SMARCC1: variants seen among roughly 807,000 people sequenced by gnomAD.
SMARCC1 encodes SWI/SNF complex subunit SMARCC1.
SMARCC1 carries 43 observed loss-of-function variants against 147.4 expected under a neutral mutation model. That is an observed-to-expected ratio of 0.29 (90% CI 0.23 to 0.38). The LOEUF is 0.38. Ranked by LOEUF, SMARCC1 falls within the 10% of genes least tolerant of loss-of-function variation. The pLI, the probability that SMARCC1 is intolerant of heterozygous loss-of-function variation, is 1.00. For synonymous variants in SMARCC1, 495 were observed against 484.4 expected (o/e 1.02, Z -0.29); for missense variants, 1,119 against 1,381.1 (o/e 0.81, Z 3.01).
At chr3:47,693,110 T>C (rs781699471) in intron 12 of SMARCC1, 131 bp downstream of exon 12, 5 of 647,788 alleles carry the variant, frequency 7.7e-6, no homozygotes, top group Non-Finnish European at 1.4e-5. Flanking sequence ...TTTAAAGCTG[T>C]GGTGAGCTAT....
chr3:47,664,700 A>C (rs950853665), intron 19 of SMARCC1, among the ~76,000 whole-genome samples: 5 of 152,176 alleles, frequency 3.3e-5, no homozygotes, highest in African/African-American at 1.2e-4. Flanking sequence ...TTCTCAATGA[A>C]GGGTAATTTT....
At chr3:47,603,002 C>A (rs1270211001) in intron 26 of SMARCC1, among the ~76,000 whole-genome samples, 1 of 152,052 alleles carries the variant, frequency 6.6e-6, no homozygotes, top group African/African-American at 2.4e-5. Context: ...TACATCCATG[C>A]CTATGGAGAG....
intron 2 of SMARCC1, among the ~76,000 whole-genome samples, chr3:47,767,040 G>A (rs891746733): frequency 2.6e-5 from 4 of 151,670 alleles, no homozygotes; most frequent in African/African-American, 7.3e-5. Context: ...AAAATTAGCC[G>A]GGCGTGGTGG....
intron 26 of SMARCC1, among the ~76,000 whole-genome samples, chr3:47,592,822 GTTT>G (rs139189268): frequency 1.5e-5 from 2 of 136,552 alleles, no homozygotes; most frequent in Non-Finnish European, 3.1e-5. Flanking sequence ...TGGTAGTCTT[GTTT>G]TTTTTTTTTT....
intron 26 of SMARCC1, among the ~76,000 whole-genome samples, chr3:47,596,138 G>A (rs2032276278): frequency 6.6e-6 from 1 of 151,926 alleles, no homozygotes; most frequent in East Asian, 1.9e-4. Context: ...AATTCAAAAA[G>A]GAGTCATGCA....
intron 19 of SMARCC1, among the ~76,000 whole-genome samples, chr3:47,668,087 T>C (rs2033446204): frequency 6.6e-6 from 1 of 152,182 alleles, no homozygotes; most frequent in Non-Finnish European, 1.5e-5. Context: ...AAAAATTCTT[T>C]AGTCACTGTG....
chr3:47,768,554 ATAATG>A (rs1271337821), intron 2 of SMARCC1, among the ~76,000 whole-genome samples: 1 of 152,220 alleles, frequency 6.6e-6, no homozygotes, highest in Non-Finnish European at 1.5e-5. Flanking sequence ...AATACTTTAT[ATAATG>A]TAATCTGTAA....
chr3:47,598,718 T>C (rs1407904612), intron 26 of SMARCC1, among the ~76,000 whole-genome samples: 1 of 150,102 alleles, frequency 6.7e-6, no homozygotes, highest in Non-Finnish European at 1.5e-5. Flanking sequence ...TGGTCACAGC[T>C]ACTTGGGAGG....
chr3:47,740,269 T>G (rs1266244398), intron 3 of SMARCC1, among the ~76,000 whole-genome samples: 1 of 122,304 alleles, frequency 8.2e-6, no homozygotes, highest in Non-Finnish European at 1.7e-5. Flanking sequence ...GATCTCAGCT[T>G]ACTGCAACCT....
intron 24 of SMARCC1, among the ~76,000 whole-genome samples, chr3:47,633,817 C>CACACACACACACACAT (rs1406763088): frequency 3.7e-4 from 47 of 125,406 alleles, no homozygotes; most frequent in Non-Finnish European, 5.7e-4. Flanking sequence ...CACACACACA[C>CACACACACACACACAT]ATATATATAA....
intron 6 of SMARCC1, among the ~76,000 whole-genome samples, chr3:47,724,342 T>A (rs1035339529): frequency 2.6e-5 from 4 of 152,146 alleles, no homozygotes; most frequent in Non-Finnish European, 5.9e-5. Context: ...GAATGAACAA[T>A]AAGGACACTG....
intron 4 of SMARCC1, 64 bp from the exon 5 acceptor site, chr3:47,736,190 G>C: frequency 1.1e-6 from 1 of 896,984 alleles, no homozygotes; most frequent in Non-Finnish European, 1.7e-6. Context: ...TATTATTTAT[G>C]CAATATACAA....
At chr3:47,598,744 T>G (rs1289431812) in intron 26 of SMARCC1, among the ~76,000 whole-genome samples, 2 of 147,312 alleles carry the variant, frequency 1.4e-5, no homozygotes, top group African/African-American at 5.0e-5. Context: ...GAGAAGATAG[T>G]TTGAACCTGG....
chr3:47,722,297 T>A (rs2034242557), intron 6 of SMARCC1, among the ~76,000 whole-genome samples: 1 of 147,742 alleles, frequency 6.8e-6, no homozygotes, highest in African/African-American at 2.5e-5. Flanking sequence ...ATTTTGATTT[T>A]TTTTTTTTTT....
intron 26 of SMARCC1, chr3:47,601,579 G>A (rs764160321): frequency 6.6e-6 from 1 of 152,002 alleles, no homozygotes; most frequent in Non-Finnish European, 1.5e-5. Flanking sequence ...CTCTTTGTGA[G>A]GGTAACCTGC....
At chr3:47,607,293 TGTAAACGAAAGCTTCCCAAA>T (rs2032490956) in intron 26 of SMARCC1, among the ~76,000 whole-genome samples, 1 of 152,206 alleles carries the variant, frequency 6.6e-6, no homozygotes, top group African/African-American at 2.4e-5. Context: ...TGTGAGTGTG[TGTAAACGAAAGCTTCCCAAA>T]GTAAACTTAG....
intron 26 of SMARCC1, among the ~76,000 whole-genome samples, chr3:47,593,704 TAC>T (rs774593354): frequency 8.5e-5 from 13 of 152,124 alleles, no homozygotes; most frequent in Non-Finnish European, 1.5e-4. Flanking sequence ...ATAATTCAAA[TAC>T]AGACTCTCTG....
intron 5 of SMARCC1, among the ~76,000 whole-genome samples, chr3:47,735,371 C>A (rs2034429362): frequency 6.6e-6 from 1 of 151,974 alleles, no homozygotes. Context: ...CAAAAAGAGG[C>A]CAGGTATGGT....
intron 10 of SMARCC1, among the ~76,000 whole-genome samples, chr3:47,705,244 G>T (rs2033977100): frequency 7.1e-6 from 1 of 141,636 alleles, no homozygotes; most frequent in Non-Finnish European, 1.5e-5. Flanking sequence ...ACAATCGCTT[G>T]AACATGGGAG....
Sources: gnomAD v4.1 joint callset for allele counts (sites outside exome capture counted in the v4.1 genomes callset) on GRCh38, gnomAD v4.1.1 for gene constraint, MANE v1.5 for transcripts, NCBI Gene and HGNC (gene_info 2026-07-23, HGNC 2026-07-21) for gene names.